ZNF804A: variants seen among roughly 807,000 people sequenced by gnomAD.
ZNF804A encodes zinc finger protein 804A.
Under a neutral mutation model 16.5 loss-of-function variants are expected in ZNF804A, and 2 were observed. That is an observed-to-expected ratio of 0.12 (90% confidence interval 0.05 to 0.38). The LOEUF (loss-of-function observed/expected upper bound fraction) is 0.38, where lower values mean the gene tolerates loss of function less well. ZNF804A is among the 10% of genes least tolerant of loss of function. The probability of loss-of-function intolerance (pLI) is 0.99; values close to 1 mark genes in which losing one functional copy is unlikely to be tolerated. For synonymous variants in ZNF804A, 534 were observed against 489.6 expected (o/e 1.09, Z -1.20); for missense variants, 1,473 against 1,390.7 (o/e 1.06, Z -0.94).
intron 1 of ZNF804A, among the ~76,000 whole-genome samples, chr2:184,668,142 AAT>A (rs1160327890): frequency 1.3e-5 from 2 of 151,874 alleles, no homozygotes; most frequent in African/African-American, 4.8e-5. Context: ...TCTATGTGTT[AAT>A]GTTTATTTTA....
At chr2:184,767,011 C>T (rs1694138745) in intron 1 of ZNF804A, among the ~76,000 whole-genome samples, 1 of 152,048 alleles carries the variant, frequency 6.6e-6, no homozygotes, top group Admixed American at 6.6e-5. Context: ...AGAAAAAAGG[C>T]CATGTGAGGA....
At chr2:184,735,874 A>G (rs1693598902) in intron 1 of ZNF804A, among the ~76,000 whole-genome samples, 1 of 152,210 alleles carries the variant, frequency 6.6e-6, no homozygotes, top group African/African-American at 2.4e-5. Context: ...ATGGTGAAGC[A>G]AAAATACTTA....
intron 1 of ZNF804A, among the ~76,000 whole-genome samples, chr2:184,600,895 T>G (rs747853181): frequency 2.0e-5 from 3 of 152,114 alleles, no homozygotes; most frequent in Non-Finnish European, 4.4e-5. Flanking sequence ...TGTAACCTTG[T>G]GAGTAAATTG....
intron 2 of ZNF804A, among the ~76,000 whole-genome samples, chr2:184,910,753 G>T (rs574634880): frequency 2.6e-5 from 4 of 151,862 alleles, no homozygotes; most frequent in Non-Finnish European, 4.4e-5. Context: ...TCATGTGTTT[G>T]TTGGCCACTT....
intron 1 of ZNF804A, among the ~76,000 whole-genome samples, chr2:184,636,685 T>C (rs942681176): frequency 6.6e-6 from 1 of 151,558 alleles, no homozygotes; most frequent in African/African-American, 2.4e-5. Context: ...TCCTAGATCC[T>C]TTTTTTTGTC....
At chr2:184,817,237 T>C (rs1180571253) in intron 1 of ZNF804A, among the ~76,000 whole-genome samples, 1 of 151,722 alleles carries the variant, frequency 6.6e-6, no homozygotes, top group Non-Finnish European at 1.5e-5. Context: ...ACTGGTGATA[T>C]CTGGAGGTAA....
chr2:184,675,227 A>C (rs1051753619), intron 1 of ZNF804A, among the ~76,000 whole-genome samples: 6 of 151,830 alleles, frequency 4.0e-5, no homozygotes, highest in African/African-American at 1.2e-4. Context: ...AGGAACATGC[A>C]TGCGTATTGA....
intron 1 of ZNF804A, among the ~76,000 whole-genome samples, chr2:184,833,376 T>C (rs1253200127): frequency 6.6e-6 from 1 of 152,044 alleles, no homozygotes; most frequent in Non-Finnish European, 1.5e-5. Flanking sequence ...CCAACAGAAA[T>C]ATTTGCATTA....
intron 1 of ZNF804A, among the ~76,000 whole-genome samples, chr2:184,616,108 C>T (rs1171696048): frequency 6.6e-6 from 1 of 152,102 alleles, no homozygotes; most frequent in Non-Finnish European, 1.5e-5. Flanking sequence ...TGCTGAGAAA[C>T]ATGACTAGAT....
chr2:184,639,362 C>T (rs1301516596), intron 1 of ZNF804A, among the ~76,000 whole-genome samples: 1 of 151,976 alleles, frequency 6.6e-6, no homozygotes, highest in South Asian at 2.1e-4. Context: ...GTATCAGCCA[C>T]CGCGCCTGGC....
At chr2:184,639,252 T>G (rs1007737211) in intron 1 of ZNF804A, among the ~76,000 whole-genome samples, 2 of 151,938 alleles carry the variant, frequency 1.3e-5, no homozygotes. Context: ...TTTGGTATTT[T>G]TAGCAGAGAC....
At chr2:184,799,736 T>A (rs1001664566) in intron 1 of ZNF804A, among the ~76,000 whole-genome samples, 19 of 152,078 alleles carry the variant, frequency 1.2e-4, no homozygotes, top group African/African-American at 4.3e-4. Context: ...AGAGATAAGG[T>A]TTTGCCATGT....
At chr2:184,774,740 T>C (rs1425966217) in intron 1 of ZNF804A, among the ~76,000 whole-genome samples, 3 of 151,816 alleles carry the variant, frequency 2.0e-5, no homozygotes, top group African/African-American at 7.2e-5. Flanking sequence ...GATACATTTT[T>C]GCCTTATTTG....
intron 1 of ZNF804A, among the ~76,000 whole-genome samples, chr2:184,727,538 G>C (rs571361137): frequency 1.1e-4 from 17 of 151,368 alleles, no homozygotes; most frequent in Non-Finnish European, 2.4e-4. Flanking sequence ...AGATACATTT[G>C]ATTTTATATT....
intron 2 of ZNF804A, among the ~76,000 whole-genome samples, chr2:184,875,233 T>A (rs1219137437): frequency 6.6e-6 from 1 of 152,238 alleles, no homozygotes; most frequent in Non-Finnish European, 1.5e-5. Flanking sequence ...TAGATATTTT[T>A]GCCCTTGGAA....
chr2:184,887,764 C>A (rs937495909), intron 2 of ZNF804A, among the ~76,000 whole-genome samples: 1 of 152,082 alleles, frequency 6.6e-6, no homozygotes, highest in Non-Finnish European at 1.5e-5. Flanking sequence ...CCCCTTGGTC[C>A]CTCCCACAAT....
chr2:184,696,491 A>G (rs1692833140), intron 1 of ZNF804A, among the ~76,000 whole-genome samples: 1 of 152,162 alleles, frequency 6.6e-6, no homozygotes, highest in Non-Finnish European at 1.5e-5. Flanking sequence ...GGGGTCTAGA[A>G]TGTTGTTCTA....
Position 184,844,655 on chromosome 2 carries a change from C to T in ZNF804A, c.112-21714C>T, listed in dbSNP as rs912559382. Among the ~76,000 whole-genome samples the T allele has an allele frequency of 1.3e-4, 20 of 148,206 alleles. 1 individual carries two copies. Among genetic ancestry groups the T allele is most frequent in the Middle Eastern group, 3.6e-3 (1 of 278 alleles). On this transcript the variant is annotated intron_variant, in intron 1 of 3. Transcript: ENST00000302277. ...ATTCAAGACTTTTCTCTTGGGTTTT[C>T]TGCTGTTTGATTCTGATATGCTTAT...
intron 1 of ZNF804A, among the ~76,000 whole-genome samples, chr2:184,769,186 T>C (rs1222479140): frequency 6.6e-6 from 1 of 152,094 alleles, no homozygotes; most frequent in Non-Finnish European, 1.5e-5. Context: ...CTATAGTAAT[T>C]GCACACTTTC....
Sources: gnomAD v4.1 joint callset for allele counts (sites outside exome capture counted in the v4.1 genomes callset) on GRCh38, gnomAD v4.1.1 for gene constraint, MANE v1.5 for transcripts, NCBI Gene and HGNC (gene_info 2026-07-23, HGNC 2026-07-21) for gene names.